The following DLG2 variants were observed in gnomAD, a reference collection of about 807,000 sequenced individuals.
DLG2 encodes discs large MAGUK scaffold protein 2.
DLG2 carries 45 observed loss-of-function variants against 132.5 expected under a neutral mutation model. The observed-to-expected ratio is 0.34, with a 90% confidence interval of 0.27 to 0.44. The LOEUF is 0.44. Ranked by LOEUF, DLG2 falls within the 20% of genes least tolerant of loss-of-function variation. The pLI is 1.00. For synonymous variants in DLG2, 424 were observed against 419.6 expected (o/e 1.01, Z -0.13); for missense variants, 1,045 against 1,196.9 (o/e 0.87, Z 1.87).
In DLG2 at chr11:83,936,700, TA is replaced by T. The variant is rs2081521898; in HGVS notation, c.1341-6218del. 2.6e-5 allele frequency among the ~76,000 whole-genome samples: 4 copies of T among 152,186 alleles called. No homozygotes were observed. The South Asian group carries it at 8.3e-4, about 32-fold the overall frequency. On this transcript the variant is annotated intron_variant, in intron 14 of 27. Transcript: ENST00000376104. ...TGAATATTAAGATGCTTTATTTCCT[TA>T]AAAAGTGTTTGGGTTTCAACAAAAT...
At chr11:83,578,359 AAAG>A (rs1361055247) in intron 19 of DLG2, among the ~76,000 whole-genome samples, 1 of 152,002 alleles carries the variant, frequency 6.6e-6, no homozygotes, top group Non-Finnish European at 1.5e-5. Flanking sequence ...AAAGAGAAAA[AAAG>A]AGAATAGAGA....
chr11:85,134,758 C>G lies in DLG2; in HGVS notation c.282+19798G>C, dbSNP rs115225198. Reference sequence around the variant, plus strand: ...TAAAGATTTTAAGTTCATAGCAAATCAAATACGTGTTCTGAGGAAAAAAAG... The same window carrying G: ...TAAAGATTTTAAGTTCATAGCAAATGAAATACGTGTTCTGAGGAAAAAAAG... On this transcript the variant is annotated intron_variant, in intron 5 of 27. Coordinates refer to ENST00000376104, the MANE Select transcript of DLG2 (RefSeq NM_001142699.3). 1.7e-3 allele frequency among the ~76,000 whole-genome samples: 260 copies of G among 151,986 alleles called. 1 individual carries two copies. The highest frequency in any genetic ancestry group is 6.1e-3 in the African/African-American group (255 of 41,468).
chr11:85,511,077 A>G (rs1481787159), intron 3 of DLG2, among the ~76,000 whole-genome samples: 2 of 152,136 alleles, frequency 1.3e-5, no homozygotes, highest in South Asian at 2.1e-4. Flanking sequence ...TTGTAGGGAC[A>G]TGGATGAAGC....
chr11:84,903,944 T>C (rs2091217744), intron 6 of DLG2, among the ~76,000 whole-genome samples: 1 of 152,102 alleles, frequency 6.6e-6, no homozygotes. Context: ...GTTTTTTCAA[T>C]AACATGATGT....
intron 6 of DLG2, among the ~76,000 whole-genome samples, chr11:84,598,877 G>A (rs1303581286): frequency 1.3e-5 from 2 of 151,814 alleles, no homozygotes; most frequent in Non-Finnish European, 2.9e-5. Flanking sequence ...GGAGGCCCTG[G>A]AGGCTGCATT....
At chr11:83,604,434 T>C (rs962207956) in intron 19 of DLG2, among the ~76,000 whole-genome samples, 3 of 152,238 alleles carry the variant, frequency 2.0e-5, no homozygotes, top group African/African-American at 4.8e-5. Context: ...AACTCATCTT[T>C]GGGTTTTTGA....
At chr11:84,793,962 TTCTTC>T (rs1182372488) in intron 6 of DLG2, among the ~76,000 whole-genome samples, 3 of 152,184 alleles carry the variant, frequency 2.0e-5, no homozygotes, top group Middle Eastern at 3.2e-3. Context: ...TTGTTTTGTG[TTCTTC>T]TCTTCTTTCT....
rs190426856 is a variant in DLG2 at position 85,431,312 on chromosome 11, G to A, written c.41-145947C>T. Among the ~76,000 whole-genome samples, 27 of 152,242 alleles carry A rather than the reference G, an allele frequency of 1.8e-4. No individual in the cohort carries two copies. In the East Asian group the frequency reaches 5.0e-3, roughly 28 times the overall value. On this transcript the variant is annotated intron_variant, in intron 3 of 27. Transcript: ENST00000376104. ...CAGTGGACCACCTGAGAGCCACATGGGACAGGGGAGCCCCCACCCCCAGCC... is the reference window on the plus strand; with the variant it reads ...CAGTGGACCACCTGAGAGCCACATGAGACAGGGGAGCCCCCACCCCCAGCC...
intron 6 of DLG2, among the ~76,000 whole-genome samples, chr11:84,703,970 A>G (rs1203259573): frequency 2.0e-5 from 3 of 148,280 alleles, no homozygotes; most frequent in Non-Finnish European, 1.5e-5. Context: ...ACATTATTAT[A>G]TTGTTTTTTC....
chr11:84,736,328 CT>C (rs200453322), intron 6 of DLG2, among the ~76,000 whole-genome samples: 6 of 150,526 alleles, frequency 4.0e-5, no homozygotes, highest in East Asian at 1.9e-4. Context: ...ACTTTGTTCA[CT>C]TTTTTTTTCA....
intron 6 of DLG2, among the ~76,000 whole-genome samples, chr11:84,862,102 C>T (rs945857578): frequency 1.3e-5 from 2 of 151,640 alleles, no homozygotes; most frequent in Non-Finnish European, 2.9e-5. Flanking sequence ...CGAGTTAGTG[C>T]GTGCAGCGCA....
chr11:84,240,187 G>C (rs1453956503), intron 8 of DLG2, among the ~76,000 whole-genome samples: 1 of 152,150 alleles, frequency 6.6e-6, no homozygotes, highest in Non-Finnish European at 1.5e-5. Context: ...AGGCCTCTTG[G>C]ACTACATGTG....
intron 6 of DLG2, among the ~76,000 whole-genome samples, chr11:84,567,380 T>C (rs1056024744): frequency 1.3e-5 from 2 of 152,314 alleles, no homozygotes; most frequent in Non-Finnish European, 2.9e-5. Flanking sequence ...GAAGAAGTTA[T>C]ATTGCTTAAC....
At chr11:84,696,275 C>CTAAG (rs1368473626) in intron 6 of DLG2, among the ~76,000 whole-genome samples, 1 of 151,494 alleles carries the variant, frequency 6.6e-6, no homozygotes, top group Non-Finnish European at 1.5e-5. Context: ...ATGCACTGTG[C>CTAAG]TAAGCACTTA....
chr11:85,205,703 A>G (rs1310303742), intron 4 of DLG2, among the ~76,000 whole-genome samples: 1 of 152,158 alleles, frequency 6.6e-6, no homozygotes, highest in Non-Finnish European at 1.5e-5. Flanking sequence ...TAAAACATAA[A>G]AGTTCCCTAT....
chr11:84,711,139 C>T (rs2060364914), intron 6 of DLG2, among the ~76,000 whole-genome samples: 1 of 150,884 alleles, frequency 6.6e-6, no homozygotes. Flanking sequence ...AAAGTAAATC[C>T]ATAACCTTAT....
chr11:85,099,050 C>G (rs1187436417), intron 6 of DLG2, among the ~76,000 whole-genome samples: 1 of 152,170 alleles, frequency 6.6e-6, no homozygotes, highest in Non-Finnish European at 1.5e-5. Flanking sequence ...ACAGGACCTC[C>G]TTGAGGAGCT....
intron 7 of DLG2, among the ~76,000 whole-genome samples, chr11:84,394,097 G>A (rs1352125229): frequency 2.0e-5 from 3 of 152,006 alleles, no homozygotes; most frequent in South Asian, 2.1e-4. Context: ...GGCTGGTCTC[G>A]AACTCCTGAT....
chr11:83,767,610 C>A (rs930609527), intron 18 of DLG2, among the ~76,000 whole-genome samples: 3 of 152,102 alleles, frequency 2.0e-5, no homozygotes, highest in Non-Finnish European at 4.4e-5. Context: ...GTTATTGAGC[C>A]TTTCTGTGCC....
Sources: gnomAD v4.1 joint callset for allele counts (sites outside exome capture counted in the v4.1 genomes callset) on GRCh38, gnomAD v4.1.1 for gene constraint, MANE v1.5 for transcripts, NCBI Gene and HGNC (gene_info 2026-07-23, HGNC 2026-07-21) for gene names.